The following SGPP2 variants were observed in gnomAD, a reference collection of about 807,000 sequenced individuals.
SGPP2 encodes sphingosine-1-phosphate phosphatase 2, also known as sphingosine 1-phosphate phosphohydrolase 2.
A neutral mutation model predicts 33.9 loss-of-function variants in SGPP2; 30 were observed. The observed-to-expected ratio is 0.89, with a 90% CI of 0.66 to 1.20. The LOEUF is 1.20. Ranked by LOEUF, SGPP2 falls within the 50% of genes most tolerant of loss-of-function variation. SGPP2 has a pLI of 0.00. For synonymous variants in SGPP2, 233 were observed against 225.0 expected (o/e 1.04, Z -0.32); for missense variants, 458 against 532.1 (o/e 0.86, Z 1.37).
chr2:222,456,052 C>A (rs1472335667), intron 1 of SGPP2, among the ~76,000 whole-genome samples: 2 of 152,162 alleles, frequency 1.3e-5, no homozygotes, highest in African/African-American at 4.8e-5. Context: ...ACACTCCAGT[C>A]TGGGCAATAG....
At chr2:222,526,203 C>G (rs1220737366) in intron 4 of SGPP2, among the ~76,000 whole-genome samples, 1 of 135,694 alleles carries the variant, frequency 7.4e-6, no homozygotes, top group East Asian at 2.0e-4. Flanking sequence ...CTACAAAACC[C>G]CATGATGAGC....
intron 2 of SGPP2, among the ~76,000 whole-genome samples, chr2:222,496,810 C>G (rs1226449287): frequency 6.6e-6 from 1 of 152,318 alleles, no homozygotes; most frequent in African/African-American, 2.4e-5. Flanking sequence ...AAAAGCCACT[C>G]TGCCTCCTGT....
intron 4 of SGPP2, among the ~76,000 whole-genome samples, chr2:222,551,586 AT>A (rs1453558014): frequency 6.6e-6 from 1 of 152,158 alleles, no homozygotes; most frequent in Admixed American, 6.5e-5. Flanking sequence ...GAGTCCAAGT[AT>A]TTTCCTTACA....
At chr2:222,517,692 T>A (rs1218402397) in intron 2 of SGPP2, among the ~76,000 whole-genome samples, 1 of 152,116 alleles carries the variant, frequency 6.6e-6, no homozygotes, top group Non-Finnish European at 1.5e-5. Flanking sequence ...CAGACACACA[T>A]CCCTAGACTC....
chr2:222,486,672 TG>T (rs1313484772), intron 2 of SGPP2, among the ~76,000 whole-genome samples: 1 of 152,172 alleles, frequency 6.6e-6, no homozygotes, highest in Non-Finnish European at 1.5e-5. Flanking sequence ...ACTACTATTA[TG>T]ACTCTCATTT....
At chr2:222,489,620 C>G (rs1293051946) in intron 2 of SGPP2, among the ~76,000 whole-genome samples, 1 of 151,950 alleles carries the variant, frequency 6.6e-6, no homozygotes, top group Non-Finnish European at 1.5e-5. Context: ...GGTTGACTGT[C>G]CTACAGGGCA....
intron 1 of SGPP2, among the ~76,000 whole-genome samples, chr2:222,429,477 T>A (rs1697120240): frequency 6.6e-6 from 1 of 152,256 alleles, no homozygotes; most frequent in South Asian, 2.1e-4. Context: ...TCTTTTTTTC[T>A]AGTTACAGAT....
upstream of SGPP2, among the ~76,000 whole-genome samples, chr2:222,424,290 G>A (rs867734946): frequency 3.9e-5 from 6 of 152,070 alleles, no homozygotes; most frequent in Non-Finnish European, 7.4e-5. Context: ...TGGGGGCGCC[G>A]GGAGAAGAGA....
intron 1 of SGPP2, among the ~76,000 whole-genome samples, chr2:222,434,643 C>A (rs192162858): frequency 6.6e-6 from 1 of 152,048 alleles, no homozygotes; most frequent in Non-Finnish European, 1.5e-5. Flanking sequence ...ATAAGAAATG[C>A]CCTTTCTGTC....
chr2:222,538,399 A>G (rs1299446753), intron 4 of SGPP2, among the ~76,000 whole-genome samples: 4 of 152,218 alleles, frequency 2.6e-5, no homozygotes. Flanking sequence ...AATAAACTCT[A>G]AAGAGACTCT....
At chr2:222,496,457 C>T (rs944678512) in intron 2 of SGPP2, among the ~76,000 whole-genome samples, 1 of 152,220 alleles carries the variant, frequency 6.6e-6, no homozygotes, top group African/African-American at 2.4e-5. Flanking sequence ...TGCACTATTG[C>T]AGTAGATGTT....
In SGPP2 at chr2:222,469,073, G is replaced by A. The variant is rs114723246; in HGVS notation, c.220-5495G>A. 7.3e-3 allele frequency among the ~76,000 whole-genome samples: 1,111 copies of A among 152,352 alleles called. 17 individuals are homozygous for A. The highest frequency in any genetic ancestry group is 0.025 in the African/African-American group (1,054 of 41,588). ...TGAGGAATATCAGTAACATTTTGCA[G>A]CTAGTAATAATGGGTAATAATAATG... On this transcript the variant is annotated intron_variant, in intron 1 of 4. Transcript: ENST00000321276.
chr2:222,448,115 C>T (rs1320013246), intron 1 of SGPP2, among the ~76,000 whole-genome samples: 3 of 152,188 alleles, frequency 2.0e-5, no homozygotes, highest in South Asian at 2.1e-4. Context: ...CTTGGGAATA[C>T]GTCATGCAGC....
At chr2:222,553,802 G>A (rs1689339315) in intron 4 of SGPP2, among the ~76,000 whole-genome samples, 1 of 152,194 alleles carries the variant, frequency 6.6e-6, no homozygotes, top group African/African-American at 2.4e-5. Context: ...GCTCAGACTT[G>A]AGTCCAGTGG....
chr2:222,492,256 A>G (rs893455398), intron 2 of SGPP2, among the ~76,000 whole-genome samples: 46 of 152,150 alleles, frequency 3.0e-4, no homozygotes, highest in African/African-American at 1.1e-3. Context: ...CCACTGCCCT[A>G]ACAGAGGTTC....
intron 2 of SGPP2, among the ~76,000 whole-genome samples, chr2:222,509,997 C>G (rs137970449): frequency 6.6e-6 from 1 of 152,308 alleles, no homozygotes; most frequent in East Asian, 1.9e-4. Flanking sequence ...GTGTGTCCTT[C>G]GTGTTTGACT....
chr2:222,439,183 C>T (rs1038830792), intron 1 of SGPP2, among the ~76,000 whole-genome samples: 13 of 152,100 alleles, frequency 8.5e-5, no homozygotes, highest in African/African-American at 2.4e-4. Context: ...CCCCAGTGCA[C>T]AGTTACCCTG....
At chr2:222,541,592 T>G (rs938905798) in intron 4 of SGPP2, among the ~76,000 whole-genome samples, 2 of 104,982 alleles carry the variant, frequency 1.9e-5, no homozygotes, top group East Asian at 4.5e-4. Flanking sequence ...ATAAGAAAAC[T>G]ATTTTATTTA....
chr2:222,443,552 G>T (rs745597587), intron 1 of SGPP2, among the ~76,000 whole-genome samples: 3 of 152,208 alleles, frequency 2.0e-5, no homozygotes, highest in Non-Finnish European at 4.4e-5. Context: ...AAGGAATAAT[G>T]ACAATTTTCT....
Sources: allele counts gnomAD v4.1 joint callset (sites outside exome capture counted in the v4.1 genomes callset), GRCh38; gene constraint gnomAD v4.1.1; transcripts MANE v1.5; gene names NCBI Gene and HGNC (gene_info 2026-07-23, HGNC 2026-07-21).